The following RHD variants were observed in gnomAD, a reference collection of about 807,000 sequenced individuals.
The protein encoded by RHD is blood group Rh(D) polypeptide.
A neutral mutation model predicts 45.5 loss-of-function variants in RHD; 16 were observed. The observed-to-expected ratio is 0.35, with a 90% CI of 0.24 to 0.53. The LOEUF is 0.53. RHD is among the 20% of genes least tolerant of loss of function. The probability of loss-of-function intolerance (pLI) is 0.92; values close to 1 mark genes in which losing one functional copy is unlikely to be tolerated. For missense variants in RHD, 306 were observed against 532.0 expected (o/e 0.58, Z 4.18); for synonymous variants, 131 against 217.5 (o/e 0.60, Z 3.50).
Position 25,307,889 on chromosome 1 carries a change from T to A in RHD, c.1073+1160T>A. 2 of 1,158,324 alleles carry A rather than the reference T, an allele frequency of 1.7e-6. 1 individual carries two copies. The highest frequency in any genetic ancestry group is 3.0e-5 in the African/African-American group (2 of 65,954). 71.8% of individuals were successfully genotyped at this position (1,158,324 alleles called of 1,614,324 possible). A position where few individuals can be genotyped will look rare whatever the true frequency, so the allele number is the denominator to read the frequency against. Reference sequence around the variant, plus strand: ...AAGGCGCCTCTGTGATGGGTTCCAGTGATGTGTCTGCCACTGTCTTAATAA... The same window carrying A: ...AAGGCGCCTCTGTGATGGGTTCCAGAGATGTGTCTGCCACTGTCTTAATAA... On this transcript the variant is annotated intron_variant, in intron 7 of 9. Transcript: ENST00000328664.
In RHD at chr1:25,284,565, C is replaced by T. The variant is rs777188739; in HGVS notation, c.149-8C>T. 8.6e-6 allele frequency: 12 copies of T among 1,388,840 alleles called. No individual in the cohort carries two copies. Among genetic ancestry groups the T allele is most frequent in the Non-Finnish European group, 1.2e-5 (12 of 985,102 alleles). 86.0% of individuals were successfully genotyped at this position (1,388,840 alleles called of 1,614,324 possible). The stretch of plus-strand genomic sequence containing the variant: ...CCTCGTCCTTCTCGCCATCTCCCCA[C>T]CGAGCAGTTGGCCAAGATCTGACCG... On this transcript the variant is annotated splice_region_variant and splice_polypyrimidine_tract_variant and intron_variant, in intron 1 of 9. Transcript: ENST00000328664.
At chr1:25,287,973 T>C (rs1179549570) in intron 2 of RHD, among the ~76,000 whole-genome samples, 1 of 132,832 alleles carries the variant, frequency 7.5e-6, no homozygotes, top group Non-Finnish European at 1.8e-5. Flanking sequence ...TCCACCTGCC[T>C]AGGCCTCCCA....
chr1:25,276,910 CA>C (rs1425935379), intron 1 of RHD, among the ~76,000 whole-genome samples: 1 of 129,602 alleles, frequency 7.7e-6, no homozygotes, highest in East Asian at 2.0e-4. Flanking sequence ...ACCAAAAATA[CA>C]AAAAAATTAG....
At position 25,302,669 on chromosome 1, in the gene RHD, G is replaced by A. The variant is rs1012496937; in HGVS notation, c.802-653G>A. Among the ~76,000 whole-genome samples, 3 of 129,908 alleles carry A rather than the reference G, an allele frequency of 2.3e-5. 1 individual carries two copies. The highest frequency in any genetic ancestry group is 3.6e-5 in the Non-Finnish European group (2 of 55,088). The allele number at this position is 129,908 out of a possible 152,430, so 85.2% of individuals were successfully genotyped here. A position where few individuals can be genotyped will look rare whatever the true frequency, so the allele number is the denominator to read the frequency against. On this transcript the variant is annotated intron_variant, in intron 5 of 9. Transcript: ENST00000328664. The stretch of plus-strand genomic sequence containing the variant: ...ACAAGGCCCAGCTTATTGAAACTGG[G>A]CCCAGTCACACAGGGTGGCACAGGC...
At chr1:25,298,488 C>T (rs1643119942) in intron 3 of RHD, among the ~76,000 whole-genome samples, 1 of 127,912 alleles carries the variant, frequency 7.8e-6, no homozygotes, top group African/African-American at 2.6e-5. Context: ...GAGCCAGGGA[C>T]CAGAGTCATT....
chr1:25,311,323 A>G (rs1357780815), intron 7 of RHD, among the ~76,000 whole-genome samples: 1 of 132,010 alleles, frequency 7.6e-6, no homozygotes, highest in African/African-American at 2.6e-5. Context: ...TCAGCTGAGA[A>G]CACTGAGAGT....
chr1:25,287,518 T>C (rs1413802135), intron 2 of RHD, among the ~76,000 whole-genome samples: 4 of 134,630 alleles, frequency 3.0e-5, no homozygotes, highest in Admixed American at 7.1e-5. Flanking sequence ...GGCCTGCCCC[T>C]GGGGACGGGG....
In RHD at chr1:25,329,047, G is replaced by A. The variant is rs28521963; in HGVS notation, c.*123G>A. On this transcript the variant is annotated 3_prime_UTR_variant, in exon 10 of 10. Coordinates refer to ENST00000328664, the MANE Select transcript of RHD (RefSeq NM_016124.6). Reference sequence around the variant, plus strand: ...AGTCTCCAATGTTCGCGCAGGCACTGGAGTCAGAGAAAATGGAGTTGAATC... The same window carrying A: ...AGTCTCCAATGTTCGCGCAGGCACTAGAGTCAGAGAAAATGGAGTTGAATC... 1,666 of 1,372,636 alleles carry A rather than the reference G, an allele frequency of 1.2e-3. 275 individuals carry two copies. The African/African-American group carries it at 0.019, about 16-fold the overall frequency. The allele number at this position is 1,372,636 out of a possible 1,614,324, so 85.0% of individuals were successfully genotyped here.
chr1:25,329,709 AG>A lies in RHD; in HGVS notation c.*786del, dbSNP rs1644955804. On this transcript the variant is annotated 3_prime_UTR_variant, in exon 10 of 10. Coordinates refer to ENST00000328664, the MANE Select transcript of RHD (RefSeq NM_016124.6). The stretch of plus-strand genomic sequence containing the variant: ...TCACTCTGTCACCAGGCTGGAGTGC[AG>A]TGCCGCAATCTCGGCTCACTGCAAC... 1.5e-5 allele frequency: 2 copies of A among 130,294 alleles called. 1 individual carries two copies. The highest frequency in any genetic ancestry group is 3.6e-5 in the Non-Finnish European group (2 of 55,230). The allele number at this position is 130,294 out of a possible 1,614,324, so 8.1% of individuals were successfully genotyped here. A position where few individuals can be genotyped will look rare whatever the true frequency, so the allele number is the denominator to read the frequency against.
chr1:25,274,882 C>T (rs1353482957), intron 1 of RHD, among the ~76,000 whole-genome samples: 3 of 131,134 alleles, frequency 2.3e-5, no homozygotes, highest in African/African-American at 7.8e-5. Context: ...TGGCACACGT[C>T]TATAATCCGA....
intron 7 of RHD, among the ~76,000 whole-genome samples, chr1:25,311,304 A>G (rs1244903808): frequency 7.6e-6 from 1 of 132,320 alleles, no homozygotes; most frequent in Non-Finnish European, 1.8e-5. Context: ...AGGGAATGAA[A>G]GAACATTTTC....
chr1:25,315,497 C>CTT (rs1285410315), intron 7 of RHD, among the ~76,000 whole-genome samples: 1 of 120,864 alleles, frequency 8.3e-6, no homozygotes, highest in African/African-American at 3.0e-5. Flanking sequence ...TCTTTTCTTT[C>CTT]TTTCTTTTTT....
chr1:25,280,443 T>C lies in RHD; in HGVS notation c.149-4130T>C, dbSNP rs1355865187. Among the ~76,000 whole-genome samples the C allele has an allele frequency of 8.7e-5, 11 of 126,150 alleles. 3 individuals carry two copies. The East Asian group carries it at 2.0e-3, about 23-fold the overall frequency. The allele number at this position is 126,150 out of a possible 152,430, so 82.8% of individuals were successfully genotyped here. ...GCCTCAGCCTCCTGAGTAGCTGGGA[T>C]TACAGGCATGCGCCACCATGCCAGG... is the stretch of plus-strand genomic sequence containing the variant. On this transcript the variant is annotated intron_variant, in intron 1 of 9. Coordinates refer to ENST00000328664, the MANE Select transcript of RHD (RefSeq NM_016124.6).
chr1:25,301,245 T>C, intron 4 of RHD, 152 bp downstream of exon 4: 2 of 893,472 alleles, frequency 2.2e-6, no homozygotes, highest in Non-Finnish European at 3.6e-6. Flanking sequence ...TAGTGTTTGC[T>C]AAATTCATAC....
rs1485509739 is a variant in RHD, at chr1:25,329,083, C to A, written c.*159C>A. ...AAATGGAGTTGAATCCTTTCTCTGCCACTCTTTGAGGAGAATCTCACCATT... is the reference window on the plus strand; with the variant it reads ...AAATGGAGTTGAATCCTTTCTCTGCAACTCTTTGAGGAGAATCTCACCATT... On this transcript the variant is annotated 3_prime_UTR_variant, in exon 10 of 10. Transcript: ENST00000328664. The A allele has an allele frequency of 6.1e-6, 8 of 1,306,948 alleles. 2 individuals carry two copies. The highest frequency in any genetic ancestry group is 8.7e-6 in the Non-Finnish European group (8 of 921,744). 81.0% of individuals were successfully genotyped at this position (1,306,948 alleles called of 1,614,324 possible).
rs200100354 is a variant in RHD at position 25,321,554 on chromosome 1, C to T, written c.1154-335C>T. Reference sequence around the variant, plus strand: ...ATGTGGTGGCAGGCGCCTATAATCTCAGCTACTTGGGAGGCTGAGGCAGGA... The same window carrying T: ...ATGTGGTGGCAGGCGCCTATAATCTTAGCTACTTGGGAGGCTGAGGCAGGA... On this transcript the variant is annotated intron_variant, in intron 8 of 9. Transcript: ENST00000328664. Among the ~76,000 whole-genome samples, 3 of 121,920 alleles carry T rather than the reference C, an allele frequency of 2.5e-5. 1 individual carries two copies. Among genetic ancestry groups the T allele is most frequent in the South Asian group, 5.1e-4 (2 of 3,908 alleles). The allele number at this position is 121,920 out of a possible 152,430, so 80.0% of individuals were successfully genotyped here.
At chr1:25,314,885 T>A (rs1399043255) in intron 7 of RHD, among the ~76,000 whole-genome samples, 2 of 131,126 alleles carry the variant, frequency 1.5e-5, no homozygotes, top group Non-Finnish European at 3.6e-5. Context: ...TTGTTCCCTT[T>A]ATGTTTAGTT....
intron 8 of RHD, among the ~76,000 whole-genome samples, chr1:25,320,961 T>C (rs1184661767): frequency 7.6e-6 from 1 of 131,138 alleles, no homozygotes; most frequent in Non-Finnish European, 1.8e-5. Context: ...GGAGGGTTGC[T>C]TGACCCCGGG....
At position 25,306,597 on chromosome 1, in the gene RHD, G is replaced by T. The variant is rs200762372; in HGVS notation, c.941G>T (p.Gly314Val). Residue 314 changes from glycine (G) to valine (V), a missense_variant and splice_region_variant, in exon 7 of 10, where the codon GGG (glycine) becomes GTG (valine). By Grantham distance (109) the Gly-to-Val change is moderately radical. Transcript: ENST00000328664. Reference protein sequence around the residue: ...ISVGGAKYLPGCCNRVLGIPH... With the variant: ...ISVGGAKYLPVCCNRVLGIPH... The stretch of plus-strand genomic sequence containing the variant: ...GCTTATAATAACACTTGTCCACAGG[G>T]GTGTTGTAACCGAGTGCTGGGGATT... 9.4e-5 allele frequency: 130 copies of T among 1,377,596 alleles called. 28 individuals carry two copies. Among genetic ancestry groups the T allele is most frequent in the African/African-American group, 6.7e-4 (47 of 69,964 alleles). The allele number at this position is 1,377,596 out of a possible 1,614,324, so 85.3% of individuals were successfully genotyped here. A position where few individuals can be genotyped will look rare whatever the true frequency, so the allele number is the denominator to read the frequency against.
Sources: allele counts gnomAD v4.1 joint callset (sites outside exome capture counted in the v4.1 genomes callset), GRCh38; gene constraint gnomAD v4.1.1; transcripts MANE v1.5; gene names NCBI Gene and HGNC (gene_info 2026-07-23, HGNC 2026-07-21).